CALN1: variants seen among roughly 807,000 people sequenced by gnomAD.
CALN1 encodes calneuron 1.
CALN1 carries 17 observed loss-of-function variants against 30.6 expected under a neutral mutation model. The ratio of observed to expected loss-of-function variants is 0.56; its 90% CI spans 0.38 to 0.83. The LOEUF is 0.83. CALN1 is among the 40% of genes least tolerant of loss of function. The pLI, the probability that CALN1 is intolerant of heterozygous loss-of-function variation, is 0.00. For missense variants in CALN1, 291 were observed against 354.9 expected (o/e 0.82, Z 1.45); for synonymous variants, 156 against 131.4 (o/e 1.19, Z -1.28).
chr7:72,269,686 A>G (rs1406917994), intron 3 of CALN1, among the ~76,000 whole-genome samples: 1 of 152,226 alleles, frequency 6.6e-6, no homozygotes, highest in Non-Finnish European at 1.5e-5. Context: ...TCAGCCAGTA[A>G]TTGAATTACC....
intron 6 of CALN1, among the ~76,000 whole-genome samples, chr7:71,807,684 A>T (rs974830426): frequency 2.0e-5 from 3 of 152,184 alleles, no homozygotes; most frequent in African/African-American, 7.2e-5. Context: ...TCACACCTGT[A>T]ATCCCAGCAC....
At chr7:71,820,585 T>C (rs1291086404) in intron 5 of CALN1, among the ~76,000 whole-genome samples, 1 of 152,230 alleles carries the variant, frequency 6.6e-6, no homozygotes, top group Admixed American at 6.5e-5. Flanking sequence ...GCTATGGATG[T>C]AGGTGTACAA....
At chr7:72,100,814 C>T (rs1265127656) in intron 4 of CALN1, among the ~76,000 whole-genome samples, 10 of 104,232 alleles carry the variant, frequency 9.6e-5, no homozygotes, top group African/African-American at 3.1e-4. Context: ...AGCGAGACTC[C>T]GTCTCACAAA....
In CALN1 at chr7:71,779,927, C is replaced by T. The variant is rs552634845; in HGVS notation, c.*7848G>A. The T allele has an allele frequency of 6.6e-6, 1 of 152,230 alleles. No individual in the cohort carries two copies. The highest frequency in any genetic ancestry group is 1.9e-4 in the East Asian group (1 of 5,178). 9.4% of individuals were successfully genotyped at this position (152,230 alleles called of 1,614,324 possible). ...ATCCCCAGCTGTGCTTCTATTTACACCCAACATATTGGGGGCAATATACAA... is the reference window on the plus strand; with the variant it reads ...ATCCCCAGCTGTGCTTCTATTTACATCCAACATATTGGGGGCAATATACAA... On this transcript the variant is annotated 3_prime_UTR_variant, in exon 7 of 7. Transcript: ENST00000395275.
chr7:72,035,746 C>G (rs1801754100), intron 4 of CALN1, among the ~76,000 whole-genome samples: 1 of 152,194 alleles, frequency 6.6e-6, no homozygotes, highest in Non-Finnish European at 1.5e-5. Flanking sequence ...CATTTCCATT[C>G]CCACTCCTTT....
Position 72,054,403 on chromosome 7 carries a change from ATATATATATATATACGTG to A in CALN1, c.389-30652_389-30635del, listed in dbSNP as rs1563015100. On this transcript the variant is annotated intron_variant, in intron 4 of 6. Coordinates refer to ENST00000395275, the MANE Select transcript of CALN1 (RefSeq NM_031468.4). ...ATGCTTGTTGGCTGCATATATGTAC[ATATATATATATATACGTG>A]TATATATACACGTATATATATATAT... Among the ~76,000 whole-genome samples, 2 of 33,830 alleles carry A rather than the reference ATATATATATATATACGTG, an allele frequency of 5.9e-5. 1 individual carries two copies. Among genetic ancestry groups the A allele is most frequent in the African/African-American group, 5.2e-4 (2 of 3,856 alleles). 22.2% of individuals were successfully genotyped at this position (33,830 alleles called of 152,430 possible).
At chr7:72,326,130 T>C (rs1012273346) in intron 2 of CALN1, among the ~76,000 whole-genome samples, 2 of 152,198 alleles carry the variant, frequency 1.3e-5, no homozygotes, top group Non-Finnish European at 2.9e-5. Flanking sequence ...CTCGAACTCC[T>C]GGCCTCCCGA....
At chr7:72,457,351 G>C in the CALN1 span, among the ~76,000 whole-genome samples, 1 of 152,106 alleles carries the variant, frequency 6.6e-6, no homozygotes, top group Non-Finnish European at 1.5e-5. Flanking sequence ...TTCATAAGTT[G>C]CTGGCACCAA....
At chr7:72,484,441 T>A in the CALN1 span, among the ~76,000 whole-genome samples, 1 of 152,178 alleles carries the variant, frequency 6.6e-6, no homozygotes, top group Non-Finnish European at 1.5e-5. Context: ...GGTTTTCTAT[T>A]CTGGCTGGTG....
chr7:72,223,383 T>A (rs935332440), intron 3 of CALN1, among the ~76,000 whole-genome samples: 1 of 152,114 alleles, frequency 6.6e-6, no homozygotes, highest in Admixed American at 6.5e-5. Flanking sequence ...CCAACCAGCA[T>A]GAGGAAATCG....
At chr7:71,999,601 G>T (rs1330739981) in intron 5 of CALN1, among the ~76,000 whole-genome samples, 1 of 151,586 alleles carries the variant, frequency 6.6e-6, no homozygotes, top group Non-Finnish European at 1.5e-5. Flanking sequence ...TGCAACCTCT[G>T]CATTCTGCCT....
At chr7:72,148,181 A>T (rs1338110309) in intron 3 of CALN1, among the ~76,000 whole-genome samples, 1 of 149,870 alleles carries the variant, frequency 6.7e-6, no homozygotes, top group Non-Finnish European at 1.5e-5. Flanking sequence ...AGTGTTAGAG[A>T]TGGGGCTTGG....
intron 3 of CALN1, among the ~76,000 whole-genome samples, chr7:72,122,052 G>A (rs536722250): frequency 1.3e-5 from 2 of 151,988 alleles, no homozygotes; most frequent in African/African-American, 4.8e-5. Flanking sequence ...CACAGCCACA[G>A]GCATCTTCTC....
In CALN1 at chr7:71,787,847, G is replaced by T; in HGVS notation, c.714C>A (p.Ala238=). 1 of 1,614,170 alleles carries T rather than the reference G, an allele frequency of 6.2e-7. No individual in the cohort carries two copies. The highest frequency in any genetic ancestry group is 8.5e-7 in the Non-Finnish European group (1 of 1,180,044). ...CACTGATGATGAAGGCCATAGCAAA[G>T]GCGCATATGAGGCTCTTCCGGACGC... is the stretch of plus-strand genomic sequence containing the variant. The part of the protein sequence containing the change: ...QTCVRKSLIC[A]FAMAFIISVM... The change falls in exon 7 of 7, where the codon GCC becomes GCA. Residue 238 remains alanine (A), a synonymous_variant. Coordinates refer to ENST00000395275, the MANE Select transcript of CALN1 (RefSeq NM_031468.4).
At chr7:72,383,130 T>C (rs1488379138) in intron 2 of CALN1, among the ~76,000 whole-genome samples, 1 of 152,200 alleles carries the variant, frequency 6.6e-6, no homozygotes, top group Non-Finnish European at 1.5e-5. Flanking sequence ...CCATGGTGTA[T>C]GTGTACCACA....
intron 3 of CALN1, among the ~76,000 whole-genome samples, chr7:72,263,124 A>G (rs1453485490): frequency 6.6e-6 from 1 of 152,162 alleles, no homozygotes; most frequent in Non-Finnish European, 1.5e-5. Context: ...GGTTTGTTCC[A>G]TCATAATAAG....
rs111373766 is a variant in CALN1, at chr7:72,278,011, G to A, written c.244+675C>T. On this transcript the variant is annotated intron_variant, in intron 3 of 6. Coordinates refer to ENST00000395275, the MANE Select transcript of CALN1 (RefSeq NM_031468.4). Reference sequence around the variant, plus strand: ...AAATCAACCTAATCCTCTATTCCGGGGGGGGGGGACTTGTTTTTCCTATTT... The same window carrying A: ...AAATCAACCTAATCCTCTATTCCGGAGGGGGGGGACTTGTTTTTCCTATTT... Among the ~76,000 whole-genome samples the A allele has an allele frequency of 1.2e-3, 133 of 113,934 alleles. 3 individuals carry two copies. Among genetic ancestry groups the A allele is most frequent in the Non-Finnish European group, 1.9e-3 (105 of 54,782 alleles). 74.7% of individuals were successfully genotyped at this position (113,934 alleles called of 152,430 possible).
intron 3 of CALN1, among the ~76,000 whole-genome samples, chr7:72,246,247 G>A (rs1795151001): frequency 6.6e-6 from 1 of 152,164 alleles, no homozygotes; most frequent in Admixed American, 6.5e-5. Context: ...ATAGAACTGA[G>A]GTTTCTTTCT....
At position 71,787,661 on chromosome 7, in the gene CALN1, G is replaced by A. The variant is rs911238188; in HGVS notation, c.*114C>T. On this transcript the variant is annotated 3_prime_UTR_variant, in exon 7 of 7. Transcript: ENST00000395275. ...GGGTTCTTTACTGAACGGTTCCATC[G>A]TCCGCATCCATCCATAGTCCATAGG... 20 of 1,441,462 alleles carry A rather than the reference G, an allele frequency of 1.4e-5. No individual in the cohort carries two copies. Among genetic ancestry groups the A allele is most frequent in the Middle Eastern group, 2.5e-4 (1 of 3,974 alleles). The allele number at this position is 1,441,462 out of a possible 1,614,324, so 89.3% of individuals were successfully genotyped here.
Sources: gnomAD v4.1 joint callset for allele counts (sites outside exome capture counted in the v4.1 genomes callset) on GRCh38, gnomAD v4.1.1 for gene constraint, MANE v1.5 for transcripts, NCBI Gene and HGNC (gene_info 2026-07-23, HGNC 2026-07-21) for gene names.